The following POLR1C variants were observed in gnomAD, a reference collection of about 807,000 sequenced individuals.
POLR1C encodes RNA polymerase I and III subunit C.
In POLR1C, 42 loss-of-function variants were observed where a neutral mutation model predicts 38.3. The observed-to-expected ratio is 1.10, with a 90% CI of 0.86 to 1.42. The LOEUF (loss-of-function observed/expected upper bound fraction) is 1.42. Ranked by LOEUF, POLR1C falls within the 40% of genes most tolerant of loss-of-function variation. POLR1C has a pLI of 0.00. For synonymous variants in POLR1C, 163 were observed against 163.9 expected (o/e 0.99, Z 0.04); for missense variants, 507 against 450.5 (o/e 1.13, Z -1.14).
rs1395777722 is a variant in POLR1C at position 43,521,029 on chromosome 6, G to C, written c.903G>C (p.Arg301=). The C allele has an allele frequency of 1.9e-6, 3 of 1,613,884 alleles. No individual in the cohort carries two copies. The highest frequency in any genetic ancestry group is 2.2e-5 in the South Asian group (2 of 91,074). The change falls in exon 8 of 9, where the codon CGG becomes CGC. Residue 301 remains arginine (R), a synonymous_variant. Transcript: ENST00000642195. Reference sequence around the variant, plus strand: ...TAAAGAAGGTTGTGAGGCTTGCCCGGGTTCGAGATCATTATATCTGTGAGT... The same window carrying C: ...TAAAGAAGGTTGTGAGGCTTGCCCGCGTTCGAGATCATTATATCTGTGAGT... ...EKLKKVVRLA[R]VRDHYIFSVE... is the part of the protein sequence containing the mutation.
intron 10 of POLR1C, among the ~76,000 whole-genome samples, chr6:43,557,392 C>T (rs1762155345): frequency 6.6e-6 from 1 of 151,830 alleles, no homozygotes; most frequent in Non-Finnish European, 1.5e-5. Context: ...TGCCACTGCA[C>T]TCCAGCCTGG....
chr6:43,540,495 T>C (rs778343611), intron 9 of POLR1C, among the ~76,000 whole-genome samples: 1 of 150,220 alleles, frequency 6.7e-6, no homozygotes, highest in Admixed American at 6.6e-5. Context: ...AATAAATAAA[T>C]AAACAAAATT....
intron 10 of POLR1C, among the ~76,000 whole-genome samples, chr6:43,561,176 A>C (rs979021875): frequency 1.3e-5 from 2 of 152,190 alleles, no homozygotes; most frequent in Non-Finnish European, 2.9e-5. Flanking sequence ...GCTAAAATAT[A>C]GGTTACTTTG....
intron 8 of POLR1C, chr6:43,527,712 C>T (rs1366577328): frequency 2.5e-6 from 4 of 1,614,032 alleles, no homozygotes; most frequent in Non-Finnish European, 3.4e-6. Flanking sequence ...GGGTTTTCAT[C>T]TGCAGCCTCA....
chr6:43,550,261 C>T (rs1353170638), intron 9 of POLR1C, among the ~76,000 whole-genome samples: 1 of 152,186 alleles, frequency 6.6e-6, no homozygotes, highest in Non-Finnish European at 1.5e-5. Flanking sequence ...CCTTCTATTC[C>T]ATTTCATTAT....
At chr6:43,538,771 C>CT (rs539083995) in intron 9 of POLR1C, 34,577 of 502,166 alleles carry the variant, frequency 0.069, 55 homozygotes, top group Non-Finnish European at 0.08. Flanking sequence ...CTACATTTTT[C>CT]TTTTTTTTTT....
intron 10 of POLR1C, chr6:43,553,526 TACACACACACACAC>T: frequency 1.4e-6 from 2 of 1,447,420 alleles, no homozygotes; most frequent in Non-Finnish European, 1.9e-6. Flanking sequence ...CACACACACA[TACACACACACACAC>T]ACACACACAA....
At chr6:43,556,012 T>C (rs1302375629) in intron 10 of POLR1C, 2 of 1,606,920 alleles carry the variant, frequency 1.2e-6, no homozygotes, top group East Asian at 2.2e-5. Context: ...ATAACTGGTA[T>C]AAAATAAGTA....
At chr6:43,552,318 C>T (rs748633475) in intron 10 of POLR1C, among the ~76,000 whole-genome samples, 1 of 152,046 alleles carries the variant, frequency 6.6e-6, no homozygotes, top group Non-Finnish European at 1.5e-5. Context: ...TTAGCCTCCA[C>T]GTGCTAGGAT....
chr6:43,526,432 C>T, downstream of POLR1C: 1 of 526,348 alleles, frequency 1.9e-6, no homozygotes, highest in Non-Finnish European at 3.4e-6. Context: ...GAAGAGGTGA[C>T]ATTGGAATAA....
At chr6:43,522,471 A>G, downstream of POLR1C, 1 of 170,946 alleles carries the variant, frequency 5.8e-6, no homozygotes, top group African/African-American at 2.4e-5. Context: ...TGCAATAAAT[A>G]CAACTACATC....
chr6:43,529,350 G>A (rs760597115), exon 9 of POLR1C: 2 of 450,816 alleles, frequency 4.4e-6, no homozygotes, highest in Middle Eastern at 6.8e-4. Context: ...AGACCATCCT[G>A]GCTAACATGG....
chr6:43,519,729 G>C lies in POLR1C; in HGVS notation c.273G>C (p.Lys91Asn). The C allele has an allele frequency of 6.2e-7, 1 of 1,614,178 alleles. No homozygotes were observed. Among genetic ancestry groups the C allele is most frequent in the Non-Finnish European group, 8.5e-7 (1 of 1,180,034 alleles). Residue 91 changes from lysine (K) to asparagine (N), a missense_variant, in exon 4 of 9, where the codon AAG becomes AAC. Lys to Asn is a moderately conservative substitution (Grantham distance 94, BLOSUM62 0). Transcript: ENST00000642195. ...LAEVPTMAVE[K>N]VLVYNNTSIV... ...AGGTGCCAACTATGGCTGTGGAGAA[G>C]GTCCTGGTGTACAATAATACATCCA...
At chr6:43,547,810 G>A in intron 9 of POLR1C, 1 of 907,012 alleles carries the variant, frequency 1.1e-6, no homozygotes, top group Non-Finnish European at 1.7e-6. Flanking sequence ...CTTAAGAGCA[G>A]TTTTTATAGT....
At chr6:43,526,770 C>T (rs1282077748) in intron 8 of POLR1C, 2 of 1,611,584 alleles carry the variant, frequency 1.2e-6, no homozygotes, top group Non-Finnish European at 1.7e-6. Context: ...AGCAGGGTTA[C>T]TAGGTGAAGG....
chr6:43,540,043 T>A (rs1475754200), intron 9 of POLR1C, among the ~76,000 whole-genome samples: 1 of 152,206 alleles, frequency 6.6e-6, no homozygotes, highest in African/African-American at 2.4e-5. Context: ...TCACCTGAGA[T>A]CAGGAGTTTG....
chr6:43,530,745 T>G (rs1382571350), downstream of POLR1C: 1 of 1,613,928 alleles, frequency 6.2e-7, no homozygotes, highest in Non-Finnish European at 8.5e-7. Context: ...AAGGCTGAGC[T>G]GAGAAGCTGG....
At chr6:43,544,866 A>ATTAT (rs151137102) in intron 9 of POLR1C, among the ~76,000 whole-genome samples, 3,966 of 151,906 alleles carry the variant, frequency 0.026, 163 homozygotes, top group African/African-American at 0.091. Flanking sequence ...AAAAGAAAAT[A>ATTAT]TTATTTATTT....
downstream of POLR1C, chr6:43,525,638 G>A: frequency 1.7e-6 from 1 of 588,430 alleles, no homozygotes; most frequent in South Asian, 2.2e-5. Flanking sequence ...GTTTTCCTGA[G>A]AGCTCCTGCC....
Sources: gnomAD v4.1 joint callset for allele counts (sites outside exome capture counted in the v4.1 genomes callset) on GRCh38, gnomAD v4.1.1 for gene constraint, MANE v1.5 for transcripts, NCBI Gene and HGNC (gene_info 2026-07-23, HGNC 2026-07-21) for gene names.